Variants in MYLK4 observed in about 807,000 individuals in gnomAD.
MYLK4 encodes caMLCK like.
MYLK4 carries 46 observed loss-of-function variants against 48.1 expected under a neutral mutation model. That is an observed-to-expected ratio of 0.96 (90% CI 0.75 to 1.22). MYLK4 has a LOEUF of 1.22. Among genes scored for constraint, MYLK4 ranks in the 50% most tolerant of loss-of-function variants. The pLI is 0.00. For synonymous variants in MYLK4, 170 were observed against 180.8 expected (o/e 0.94, Z 0.48); for missense variants, 451 against 486.1 (o/e 0.93, Z 0.68).
intron 10 of MYLK4, among the ~76,000 whole-genome samples, chr6:2,676,270 A>G (rs902153768): frequency 6.6e-6 from 1 of 152,190 alleles, no homozygotes; most frequent in East Asian, 1.9e-4. Context: ...TGAAGAGGAG[A>G]TAAGTCTTTA....
At chr6:2,767,995 G>GT in the MYLK4 span, among the ~76,000 whole-genome samples, 1 of 152,198 alleles carries the variant, frequency 6.6e-6, no homozygotes, top group Admixed American at 6.5e-5. Context: ...ACAGTCTTCA[G>GT]TTTTTCTTCT....
intron 2 of MYLK4, among the ~76,000 whole-genome samples, chr6:2,694,556 CGTGGTGGTAGTGGTAGTGCTGCTGGT>C (rs1761973684): frequency 9.8e-4 from 3 of 3,076 alleles, no homozygotes; most frequent in African/African-American, 1.3e-3. Flanking sequence ...TGGTGGTAGT[CGTGGTGGTAGTGGTAGTGCTGCTGGT>C]GGTGGTGGTG....
chr6:2,678,557 G>A (rs1279888660), intron 9 of MYLK4, among the ~76,000 whole-genome samples, 185 bp from the exon 10 acceptor site: 1 of 152,044 alleles, frequency 6.6e-6, no homozygotes, highest in Non-Finnish European at 1.5e-5. Context: ...ACTCCTAACT[G>A]AACAACTGCA....
intron 2 of MYLK4, among the ~76,000 whole-genome samples, chr6:2,734,644 C>A (rs1484123400): frequency 6.6e-6 from 1 of 152,052 alleles, no homozygotes; most frequent in Non-Finnish European, 1.5e-5. Context: ...ACATATTATA[C>A]ACACACATAC....
intron 12 of MYLK4, among the ~76,000 whole-genome samples, chr6:2,669,402 C>T (rs538613140): frequency 6.6e-6 from 1 of 152,340 alleles, no homozygotes; most frequent in South Asian, 2.1e-4. Flanking sequence ...AGGACTCTAC[C>T]CCCTCCCATC....
chr6:2,739,609 G>A (rs902655952), intron 2 of MYLK4, among the ~76,000 whole-genome samples: 1 of 152,154 alleles, frequency 6.6e-6, no homozygotes, highest in Admixed American at 6.5e-5. Context: ...ATCCAATTGA[G>A]CACATAGCAT....
chr6:2,688,538 T>C (rs1761647768), intron 4 of MYLK4, among the ~76,000 whole-genome samples: 1 of 152,220 alleles, frequency 6.6e-6, no homozygotes, highest in Non-Finnish European at 1.5e-5. Context: ...CGCTGTTGAC[T>C]CATTTCTATC....
At chr6:2,769,410 A>T in the MYLK4 span, among the ~76,000 whole-genome samples, 2 of 151,794 alleles carry the variant, frequency 1.3e-5, no homozygotes, top group Admixed American at 1.3e-4. Flanking sequence ...TTAGGGATTT[A>T]AAAAAAAATA....
At chr6:2,694,511 G>GGTAGTGGTAGT in intron 2 of MYLK4, among the ~76,000 whole-genome samples, 2 of 22,740 alleles carry the variant, frequency 8.8e-5, no homozygotes, top group East Asian at 9.0e-4. Flanking sequence ...TGGTGGTGGT[G>GGTAGTGGTAGT]GCGGTGGTGG....
intron 2 of MYLK4, among the ~76,000 whole-genome samples, chr6:2,734,873 T>C (rs1018933424): frequency 6.6e-6 from 1 of 152,180 alleles, no homozygotes; most frequent in Admixed American, 6.5e-5. Context: ...ACCCTGATGA[T>C]ATGCAGATTC....
At chr6:2,690,988 C>A (rs1761771956) in intron 3 of MYLK4, among the ~76,000 whole-genome samples, 1 of 151,960 alleles carries the variant, frequency 6.6e-6, no homozygotes, top group Non-Finnish European at 1.5e-5. Flanking sequence ...GCCACCACGC[C>A]CGGCTAATTT....
the MYLK4 span, chr6:2,765,787 C>T: frequency 2.1e-5 from 30 of 1,431,408 alleles, no homozygotes; most frequent in Middle Eastern, 2.4e-4. Context: ...CCGGGTCGCA[C>T]CGCGCCGGGG....
chr6:2,750,831 A>G lies in MYLK4; in HGVS notation c.-208T>C, dbSNP rs1764268529. 6.6e-6 allele frequency: 1 copy of G among 152,610 alleles called. No individual in the cohort carries two copies. The highest frequency in any genetic ancestry group is 2.4e-5 in the African/African-American group (1 of 41,456). 9.5% of individuals were successfully genotyped at this position (152,610 alleles called of 1,614,324 possible). A position where few individuals can be genotyped will look rare whatever the true frequency, so the allele number is the denominator to read the frequency against. On this transcript the variant is annotated 5_prime_UTR_variant, in exon 1 of 13. Coordinates refer to ENST00000274643, the MANE Select transcript of MYLK4 (RefSeq NM_001012418.5). ...AAATTTTGCAGAATTCAAACTGACT[A>G]TGAAAGTCTCTGGTAAAAGTTTTGA...
intron 2 of MYLK4, among the ~76,000 whole-genome samples, chr6:2,744,681 C>G (rs1275545471): frequency 6.6e-6 from 1 of 152,166 alleles, no homozygotes; most frequent in African/African-American, 2.4e-5. Context: ...TTTGCTTGGT[C>G]TTGGGAGCAT....
intron 3 of MYLK4, among the ~76,000 whole-genome samples, chr6:2,692,519 G>T (rs772565629): frequency 7.3e-5 from 11 of 150,128 alleles, no homozygotes; most frequent in Non-Finnish European, 1.6e-4. Flanking sequence ...CTTTATCCAG[G>T]TTTCTTTTTA....
In MYLK4 at chr6:2,677,408, A is replaced by G. The variant is rs553319743; in HGVS notation, c.1040+812T>C. 2.3e-4 allele frequency among the ~76,000 whole-genome samples: 35 copies of G among 152,286 alleles called. 1 individual carries two copies. The highest frequency in any genetic ancestry group is 7.9e-4 in the African/African-American group (33 of 41,570). On this transcript the variant is annotated intron_variant, in intron 10 of 12. Coordinates refer to ENST00000274643, the MANE Select transcript of MYLK4 (RefSeq NM_001012418.5). ...GTGTATTAGTGACTTTAAAGCCATA[A>G]AGATAATAAAACGATAAGGCAAGTG... is the stretch of plus-strand genomic sequence containing the variant.
upstream of MYLK4, among the ~76,000 whole-genome samples, chr6:2,755,081 A>G (rs918881750): frequency 1.3e-5 from 2 of 152,244 alleles, no homozygotes; most frequent in African/African-American, 4.8e-5. Flanking sequence ...TCTAAGTGAC[A>G]GCAATTAGCT....
chr6:2,712,535 C>T (rs1379986202), intron 2 of MYLK4, among the ~76,000 whole-genome samples: 1 of 152,204 alleles, frequency 6.6e-6, no homozygotes, highest in Non-Finnish European at 1.5e-5. Context: ...TAGTCTATGA[C>T]ATTCATGTTT....
At chr6:2,763,026 C>T in the MYLK4 span, among the ~76,000 whole-genome samples, 6 of 152,192 alleles carry the variant, frequency 3.9e-5, no homozygotes, top group South Asian at 2.1e-4. Context: ...TCTCCATCGC[C>T]AGCTCTAGCA....
Sources: gnomAD v4.1 joint callset for allele counts (sites outside exome capture counted in the v4.1 genomes callset) on GRCh38, gnomAD v4.1.1 for gene constraint, MANE v1.5 for transcripts, NCBI Gene and HGNC (gene_info 2026-07-23, HGNC 2026-07-21) for gene names.